CSNK1G1: variants seen among roughly 807,000 people sequenced by gnomAD.
CSNK1G1 encodes casein kinase 1 gamma 1.
CSNK1G1 carries 22 observed loss-of-function variants against 59.6 expected under a neutral mutation model. That is an observed-to-expected ratio of 0.37 (90% CI 0.26 to 0.53). CSNK1G1 has a LOEUF of 0.53. Ranked by LOEUF, CSNK1G1 falls within the 20% of genes least tolerant of loss-of-function variation. CSNK1G1 has a pLI of 0.89. For synonymous variants in CSNK1G1, 179 were observed against 177.1 expected, an observed-to-expected ratio of 1.01 and a Z score of -0.08; for missense variants, 384 against 519.5, an observed-to-expected ratio of 0.74 and a Z score of 2.54.
intron 4 of CSNK1G1, among the ~76,000 whole-genome samples, chr15:64,218,021 C>G (rs1187019382): frequency 6.6e-6 from 1 of 152,020 alleles, no homozygotes; most frequent in Non-Finnish European, 1.5e-5. Flanking sequence ...GATCTCGGCT[C>G]GCAATCTCTG....
chr15:64,352,991 AG>A (rs1466073853), intron 1 of CSNK1G1, among the ~76,000 whole-genome samples: 3 of 152,056 alleles, frequency 2.0e-5, no homozygotes, highest in African/African-American at 7.2e-5. Context: ...CAGGAAGCTG[AG>A]GTGCGAGAAC....
intron 1 of CSNK1G1, among the ~76,000 whole-genome samples, chr15:64,332,731 AAC>A (rs1457180002): frequency 1.3e-5 from 2 of 148,732 alleles, no homozygotes; most frequent in African/African-American, 5.0e-5. Context: ...TTTAAAAAAA[AAC>A]AAAAACAAAA....
rs560205778 is a variant in CSNK1G1, at chr15:64,302,168, C to T, written c.-224-1445G>A. On this transcript the variant is annotated intron_variant, in intron 1 of 11. Transcript: ENST00000303052. Reference sequence around the variant, plus strand: ...AGGCTGGAGTGCAATGGCGAGATCTCGGCTAGCTGCAACCTCTGCCTCCCA... The same window carrying T: ...AGGCTGGAGTGCAATGGCGAGATCTTGGCTAGCTGCAACCTCTGCCTCCCA... Among the ~76,000 whole-genome samples, 15 of 152,212 alleles carry T rather than the reference C, an allele frequency of 9.9e-5. No individual in the cohort carries two copies. In the South Asian group the frequency reaches 3.1e-3, roughly 32 times the overall value.
At chr15:64,187,114 C>T (rs781224102) in intron 10 of CSNK1G1, among the ~76,000 whole-genome samples, 1 of 152,064 alleles carries the variant, frequency 6.6e-6, no homozygotes, top group Non-Finnish European at 1.5e-5. Context: ...AGCCACCACG[C>T]CTGGCCATCC....
At chr15:64,289,732 T>C (rs567068575) in intron 2 of CSNK1G1, among the ~76,000 whole-genome samples, 69 of 152,272 alleles carry the variant, frequency 4.5e-4, no homozygotes, top group African/African-American at 1.6e-3. Flanking sequence ...ACAATACTAA[T>C]TGTAAGAATT....
Position 64,311,010 on chromosome 15 carries a change from A to C in CSNK1G1, c.-224-10287T>G, listed in dbSNP as rs533028081. Among the ~76,000 whole-genome samples, 126 of 151,902 alleles carry C rather than the reference A, an allele frequency of 8.3e-4. 1 individual carries two copies. The highest frequency in any genetic ancestry group is 5.4e-3 in the South Asian group (26 of 4,824). ...GAGAGCTAGACTCCATCTCAAAAAA[A>C]AAAAAAAAGGAAAAAAGAAAAACAT... On this transcript the variant is annotated intron_variant, in intron 1 of 11. Coordinates refer to ENST00000303052, the MANE Select transcript of CSNK1G1 (RefSeq NM_022048.5).
rs3057760 is a variant in CSNK1G1, at chr15:64,343,208, A to AACAC, written c.-225+12776_-225+12779dup. On this transcript the variant is annotated intron_variant, in intron 1 of 11. Coordinates refer to ENST00000303052, the MANE Select transcript of CSNK1G1 (RefSeq NM_022048.5). The stretch of plus-strand genomic sequence containing the variant: ...GCCAGGGCAACAAGAGCAAAACTCC[A>AACAC]ACACACACACACACACACACACACA... Among the ~76,000 whole-genome samples, 51 of 110,020 alleles carry AACAC rather than the reference A, an allele frequency of 4.6e-4. 1 individual carries two copies. The highest frequency in any genetic ancestry group is 2.8e-3 in the South Asian group (10 of 3,616). 72.2% of individuals were successfully genotyped at this position (110,020 alleles called of 152,430 possible). A position where few individuals can be genotyped will look rare whatever the true frequency, so the allele number is the denominator to read the frequency against.
intron 1 of CSNK1G1, among the ~76,000 whole-genome samples, chr15:64,317,332 G>T (rs1158727329): frequency 6.6e-6 from 1 of 151,510 alleles, no homozygotes; most frequent in Non-Finnish European, 1.5e-5. Context: ...CAGGTGATCC[G>T]CCAGCCTTGG....
chr15:64,338,994 G>A (rs1897548392), intron 1 of CSNK1G1, among the ~76,000 whole-genome samples: 1 of 152,008 alleles, frequency 6.6e-6, no homozygotes, highest in Admixed American at 6.6e-5. Context: ...TACAGCCTGG[G>A]CAACAAGAGC....
At chr15:64,207,441 G>T in intron 7 of CSNK1G1, 68 bp downstream of exon 7, 3 of 1,199,472 alleles carry the variant, frequency 2.5e-6, no homozygotes, top group Non-Finnish European at 3.7e-6. Flanking sequence ...AAAACATGAA[G>T]CCAGAGGCTC....
intron 2 of CSNK1G1, among the ~76,000 whole-genome samples, chr15:64,293,693 G>A (rs1235698662): frequency 6.6e-6 from 1 of 152,196 alleles, no homozygotes; most frequent in Non-Finnish European, 1.5e-5. Flanking sequence ...CAGGAGGTGA[G>A]CAGTGGGTAA....
intron 10 of CSNK1G1, among the ~76,000 whole-genome samples, chr15:64,190,293 G>T (rs1404228820): frequency 6.6e-6 from 1 of 152,152 alleles, no homozygotes; most frequent in Non-Finnish European, 1.5e-5. Flanking sequence ...TATGCTGCTA[G>T]TTATGTTAGA....
chr15:64,199,268 A>AG (rs977158943), intron 10 of CSNK1G1, among the ~76,000 whole-genome samples: 5 of 145,832 alleles, frequency 3.4e-5, no homozygotes, highest in African/African-American at 1.2e-4. Context: ...AAAAAAAAAA[A>AG]AAAAGAAAAA....
At chr15:64,355,511 C>T (rs1898604733) in intron 1 of CSNK1G1, among the ~76,000 whole-genome samples, 1 of 152,224 alleles carries the variant, frequency 6.6e-6, no homozygotes, top group African/African-American at 2.4e-5. Context: ...CCCTAAGCTC[C>T]GCCAAGGGCG....
chr15:64,173,619 C>CTTTTTTTT (rs928192194), intron 11 of CSNK1G1, among the ~76,000 whole-genome samples: 16 of 108,542 alleles, frequency 1.5e-4, no homozygotes, highest in South Asian at 3.0e-4. Context: ...CTTTTCTTTT[C>CTTTTTTTT]TTTTTTTTTT....
intron 2 of CSNK1G1, among the ~76,000 whole-genome samples, chr15:64,273,120 C>T (rs1396506711): frequency 6.6e-6 from 1 of 152,118 alleles, no homozygotes; most frequent in Non-Finnish European, 1.5e-5. Context: ...ACTTACTGCA[C>T]TGTATATTTC....
chr15:64,258,519 C>T (rs557370198), intron 3 of CSNK1G1, among the ~76,000 whole-genome samples: 3 of 152,226 alleles, frequency 2.0e-5, no homozygotes, highest in South Asian at 2.1e-4. Context: ...GGGACACTTA[C>T]TATGAGGACA....
At position 64,215,353 on chromosome 15, in the gene CSNK1G1, A is replaced by C. The variant is rs569350115; in HGVS notation, c.444+1209T>G. Among the ~76,000 whole-genome samples the C allele has an allele frequency of 7.3e-5, 11 of 151,710 alleles. No homozygotes were observed. The South Asian group carries it at 2.1e-3, about 29-fold the overall frequency. On this transcript the variant is annotated intron_variant, in intron 5 of 11. Transcript: ENST00000303052. ...TCAGCCTCCTGAGTAGCTGGGACTA[A>C]AGGCGCTCGCCACCACGCCCAGCTA...
At chr15:64,205,459 T>TAC (rs200402900) in intron 7 of CSNK1G1, among the ~76,000 whole-genome samples, 2,401 of 152,292 alleles carry the variant, frequency 0.016, 40 homozygotes, top group Middle Eastern at 0.041. Context: ...GGGAAAAAAG[T>TAC]TGTCTATGGT....
Sources: gnomAD v4.1 joint callset for allele counts (sites outside exome capture counted in the v4.1 genomes callset) on GRCh38, gnomAD v4.1.1 for gene constraint, MANE v1.5 for transcripts, NCBI Gene and HGNC (gene_info 2026-07-23, HGNC 2026-07-21) for gene names.